TRMT6: variants seen among roughly 807,000 people sequenced by gnomAD.
TRMT6 encodes the protein tRNA methyltransferase 6 non-catalytic subunit, also known as tRNA (adenine(58)-N(1))-methyltransferase non-catalytic subunit TRM6.
A neutral mutation model predicts 59.0 loss-of-function variants in TRMT6; 34 were observed. The ratio of observed to expected loss-of-function variants is 0.58; its 90% CI spans 0.44 to 0.77. The LOEUF is 0.77. TRMT6 is among the 30% of genes least tolerant of loss of function. TRMT6 has a pLI of 0.00. For missense variants in TRMT6, 575 were observed against 604.5 expected (o/e 0.95, Z 0.51); for synonymous variants, 217 against 210.5 (o/e 1.03, Z -0.27).
intron 4 of TRMT6, 30 bp from the exon 5 acceptor site, chr20:5,944,061 T>TA: frequency 1.3e-6 from 2 of 1,503,814 alleles, no homozygotes; most frequent in Non-Finnish European, 9.0e-7. Flanking sequence ...AACGCTGATT[T>TA]AAAAAAATGA....
In TRMT6 at chr20:5,944,905, T is replaced by C; in HGVS notation, c.266A>G (p.Glu89Gly). 1 of 1,611,534 alleles carries C rather than the reference T, an allele frequency of 6.2e-7. No homozygotes were observed. ...TATATTTCGATTATCAGTGCCCGCTTCTTTAGTCTCTAAGGAAAGAAATTG... is the reference window on the plus strand; with the variant it reads ...TATATTTCGATTATCAGTGCCCGCTCCTTTAGTCTCTAAGGAAAGAAATTG... ...KREEPTAETK[E>G]AGTDNRNIVD... is the part of the protein sequence containing the mutation. Residue 89 changes from glutamate to glycine, a missense_variant, in exon 3 of 11, where the codon GAA becomes GGA. By Grantham distance (98) the Glu-to-Gly change is moderately conservative. Transcript: ENST00000203001.
intron 1 of TRMT6, among the ~76,000 whole-genome samples, chr20:5,948,926 G>T (rs2088736638): frequency 6.6e-6 from 1 of 152,118 alleles, no homozygotes; most frequent in East Asian, 1.9e-4. Flanking sequence ...GCTTAAACCA[G>T]GAGTAAAAGA....
rs2088782597 is a variant in TRMT6 at position 5,950,468 on chromosome 20, C to T, written c.-63G>A. On this transcript the variant is annotated 5_prime_UTR_variant, in exon 1 of 11. Coordinates refer to ENST00000203001, the MANE Select transcript of TRMT6 (RefSeq NM_015939.5). ...CCCTCCTCCTCGGTTGTCGCCACCG[C>T]CAGCCTCACTTCCCACAACCTGGCG... is the stretch of plus-strand genomic sequence containing the variant. The T allele has an allele frequency of 6.6e-7, 1 of 1,509,900 alleles. No homozygotes were observed. Among genetic ancestry groups the T allele is most frequent in the Non-Finnish European group, 8.9e-7 (1 of 1,129,484 alleles). 93.5% of individuals were successfully genotyped at this position (1,509,900 alleles called of 1,614,324 possible).
intron 1 of TRMT6, among the ~76,000 whole-genome samples, chr20:5,947,731 T>A (rs906861405): frequency 6.7e-6 from 1 of 149,222 alleles, no homozygotes; most frequent in African/African-American, 2.6e-5. Context: ...GCACCCCCTA[T>A]CCTCATCCTT....
rs542143094 is a variant in TRMT6 at position 5,941,943 on chromosome 20, C to A, written c.1112+8G>T. On this transcript the variant is annotated splice_region_variant and intron_variant, in intron 8 of 10. Coordinates refer to ENST00000203001, the MANE Select transcript of TRMT6 (RefSeq NM_015939.5). ...TGAGGAGTCTCCTGCCTTCTTCCAT[C>A]AACGCACCCATCTGCGTTTCTTTCA... The A allele has an allele frequency of 6.2e-6, 10 of 1,610,896 alleles. No homozygotes were observed. In the South Asian group the frequency reaches 1.1e-4, roughly 18 times the overall value.
Position 5,944,148 on chromosome 20 carries a change from TA to T in TRMT6, c.458+13del, listed in dbSNP as rs1393508394. On this transcript the variant is annotated intron_variant, in intron 4 of 10. Transcript: ENST00000203001. ...GTTTAATATTGTGGGCCTTTTAAAA[TA>T]AAAACTACTTACTTTTTTTTCTTCT... 6 of 1,440,544 alleles carry T rather than the reference TA, an allele frequency of 4.2e-6. No individual in the cohort carries two copies. The African/African-American group carries it at 8.7e-5, about 21-fold the overall frequency. The allele number at this position is 1,440,544 out of a possible 1,614,324, so 89.2% of individuals were successfully genotyped here.
chr20:5,946,316 A>G, intron 2 of TRMT6, 90 bp downstream of exon 2: 2 of 1,508,982 alleles, frequency 1.3e-6, no homozygotes, highest in South Asian at 2.3e-5. Flanking sequence ...TTGGGATAGC[A>G]TGGCCTAGCA....
intron 1 of TRMT6, 97 bp from the exon 2 acceptor site, chr20:5,946,630 T>G: frequency 8.8e-7 from 1 of 1,138,134 alleles, no homozygotes; most frequent in Non-Finnish European, 1.3e-6. Flanking sequence ...GTCTCCACAA[T>G]GGATGATCAG....
chr20:5,945,547 A>G (rs2088698576), intron 2 of TRMT6, among the ~76,000 whole-genome samples: 1 of 152,164 alleles, frequency 6.6e-6, no homozygotes, highest in African/African-American at 2.4e-5. Flanking sequence ...CTACTTGATT[A>G]TTTTTGGTGT....
Position 5,938,499 on chromosome 20 carries a change from G to T in TRMT6, c.*36C>A, listed in dbSNP as rs781374629. The T allele has an allele frequency of 2.3e-5, 36 of 1,589,094 alleles. No homozygotes were observed. Among genetic ancestry groups the T allele is most frequent in the Non-Finnish European group, 2.8e-5 (33 of 1,164,860 alleles). On this transcript the variant is annotated 3_prime_UTR_variant, in exon 11 of 11. Transcript: ENST00000203001. ...AAAGTTTAATTACTAACTGTATAAT[G>T]CCTGAGAACAAAATTCAGAGCAATT... is the stretch of plus-strand genomic sequence containing the variant.
At position 5,942,708 on chromosome 20, in the gene TRMT6, G is replaced by T; in HGVS notation, c.746C>A (p.Ser249Tyr). Residue 249 changes from serine (S) to tyrosine (Y), a missense_variant, in exon 7 of 11, where the codon TCT becomes TAT. Transcript: ENST00000203001. ...AATACFGFPKSFLSGLYEFPL... is the reference protein window; with the variant it reads ...AATACFGFPKYFLSGLYEFPL... ...GAATTCATAAAGACCACTGAGAAAA[G>T]ATTTGGGAAATCCAAAACATGCTGT... 6.2e-7 allele frequency: 1 copy of T among 1,614,160 alleles called. No individual in the cohort carries two copies. Among genetic ancestry groups the T allele is most frequent in the East Asian group, 2.2e-5 (1 of 44,886 alleles).
chr20:5,940,329 T>C (rs1952078637), intron 10 of TRMT6, among the ~76,000 whole-genome samples: 1 of 152,086 alleles, frequency 6.6e-6, no homozygotes, highest in Non-Finnish European at 1.5e-5. Flanking sequence ...CACCAGTAAA[T>C]CCTGAAAACT....
Position 5,950,271 on chromosome 20 carries a change from GACTT to G in TRMT6, c.128+3_128+6del, listed in dbSNP as rs2088777603. 9 of 1,602,046 alleles carry G rather than the reference GACTT, an allele frequency of 5.6e-6. No homozygotes were observed. Among genetic ancestry groups the G allele is most frequent in the African/African-American group, 1.3e-5 (1 of 74,490 alleles). The stretch of plus-strand genomic sequence containing the variant: ...GGGAGACCCCTAAAATCAGCGATCT[GACTT>G]ACTTTCTCCGCTGGACTTGTACTGC... On this transcript the variant is annotated splice_donor_5th_base_variant and intron_variant, in intron 1 of 10. Transcript: ENST00000203001.
chr20:5,943,422 G>A, intron 6 of TRMT6, 137 bp downstream of exon 6: 1 of 1,131,246 alleles, frequency 8.8e-7, no homozygotes, highest in African/African-American at 1.6e-5. Context: ...CCCATGCTAG[G>A]AGCCGTGCAG....
chr20:5,941,866 C>T (rs1238559616), intron 8 of TRMT6, 85 bp downstream of exon 8: 6 of 1,202,524 alleles, frequency 5.0e-6, no homozygotes, highest in Non-Finnish European at 7.2e-6. Flanking sequence ...AGAGTCAAAG[C>T]AGACAAGGAG....
chr20:5,946,362 T>C lies in TRMT6; in HGVS notation c.256+44A>G, dbSNP rs377585060. On this transcript the variant is annotated intron_variant, in intron 2 of 10. Coordinates refer to ENST00000203001, the MANE Select transcript of TRMT6 (RefSeq NM_015939.5). ...AGGTGGAGGCTGAGATGTTTCTGAC[T>C]AGTCAGTTGGAGAGCATCTATTTCA... is the stretch of plus-strand genomic sequence containing the variant. The C allele has an allele frequency of 9.3e-6, 15 of 1,612,916 alleles. 1 individual carries two copies. The highest frequency in any genetic ancestry group is 7.7e-5 in the South Asian group (7 of 90,984).
At chr20:5,946,919 C>T (rs1439037992) in intron 1 of TRMT6, among the ~76,000 whole-genome samples, 1 of 152,180 alleles carries the variant, frequency 6.6e-6, no homozygotes, top group Non-Finnish European at 1.5e-5. Flanking sequence ...CTACTGAGGA[C>T]CAGGCAACTT....
chr20:5,946,015 A>G (rs2122608228), intron 2 of TRMT6, among the ~76,000 whole-genome samples: 1 of 152,358 alleles, frequency 6.6e-6, no homozygotes, highest in Non-Finnish European at 1.5e-5. Flanking sequence ...GTACAAGGCA[A>G]GTGATGAAGG....
chr20:5,950,257 A>G (rs1314853721), intron 1 of TRMT6, 21 bp downstream of exon 1: 3 of 1,587,196 alleles, frequency 1.9e-6, no homozygotes, highest in South Asian at 2.2e-5. Context: ...GGAGACCCCT[A>G]AAATCAGCGA....
Sources: allele counts gnomAD v4.1 joint callset (sites outside exome capture counted in the v4.1 genomes callset), GRCh38; gene constraint gnomAD v4.1.1; transcripts MANE v1.5; gene names NCBI Gene and HGNC (gene_info 2026-07-23, HGNC 2026-07-21).